POFUT3: variants seen among roughly 807,000 people sequenced by gnomAD.
POFUT3 encodes protein O-fucosyltransferase 3.
the POFUT3 span, among the ~76,000 whole-genome samples, chr8:33,396,213 T>C: frequency 0.31 from 47,795 of 151,952 alleles, 9,068 homozygotes; most frequent in East Asian, 0.56. Context: ...AATGCTACCC[T>C]TCCTGTGCCT....
chr8:33,343,535 CATGTACACAACCCCTTT>C, the POFUT3 span, among the ~76,000 whole-genome samples: 1,930 of 152,298 alleles, frequency 0.013, 45 homozygotes, highest in African/African-American at 0.044. Flanking sequence ...TAGCAATTAC[CATGTACACAACCCCTTT>C]ATTATACTGA....
chr8:33,470,360 C>T, the POFUT3 span, among the ~76,000 whole-genome samples: 1 of 151,782 alleles, frequency 6.6e-6, no homozygotes, highest in Non-Finnish European at 1.5e-5. Context: ...GTCAAGGCTG[C>T]AGTGAGCTGT....
the POFUT3 span, among the ~76,000 whole-genome samples, chr8:33,333,152 C>T: frequency 6.6e-6 from 1 of 152,214 alleles, no homozygotes; most frequent in Non-Finnish European, 1.5e-5. Context: ...AGTTCTGCCT[C>T]TAAATGACTA....
At chr8:33,410,298 A>G in the POFUT3 span, among the ~76,000 whole-genome samples, 1 of 152,170 alleles carries the variant, frequency 6.6e-6, no homozygotes, top group Non-Finnish European at 1.5e-5. Flanking sequence ...TTTGATTGTT[A>G]GAGTGTTAGC....
the POFUT3 span, among the ~76,000 whole-genome samples, chr8:33,431,056 G>A: frequency 1.3e-5 from 2 of 152,166 alleles, 1 homozygote; most frequent in Admixed American, 1.3e-4. Flanking sequence ...TTGTGGGTCT[G>A]TGTGGGCCTG....
At chr8:33,370,338 G>A in the POFUT3 span, among the ~76,000 whole-genome samples, 1 of 152,132 alleles carries the variant, frequency 6.6e-6, no homozygotes, top group Non-Finnish European at 1.5e-5. Flanking sequence ...CTAGGTGATA[G>A]AGCAAGACTT....
At chr8:33,389,763 G>C in the POFUT3 span, 1 of 1,613,998 alleles carries the variant, frequency 6.2e-7, no homozygotes, top group Non-Finnish European at 8.5e-7. Flanking sequence ...TGGGCTTTCC[G>C]AGGCAGAGGT....
the POFUT3 span, among the ~76,000 whole-genome samples, chr8:33,443,469 G>C: frequency 6.6e-6 from 1 of 151,988 alleles, no homozygotes; most frequent in Admixed American, 6.6e-5. Context: ...CATGCTTACT[G>C]TGCTATGTTT....
At chr8:33,353,590 T>A in the POFUT3 span, among the ~76,000 whole-genome samples, 1 of 152,152 alleles carries the variant, frequency 6.6e-6, no homozygotes, top group Non-Finnish European at 1.5e-5. Flanking sequence ...TTAAGTTTGC[T>A]AAAGGATTGT....
chr8:33,396,213 T>G, the POFUT3 span, among the ~76,000 whole-genome samples: 2,174 of 152,020 alleles, frequency 0.014, 52 homozygotes, highest in African/African-American at 0.048. Context: ...AATGCTACCC[T>G]TCCTGTGCCT....
the POFUT3 span, among the ~76,000 whole-genome samples, chr8:33,400,064 C>T: frequency 6.6e-6 from 1 of 150,432 alleles, no homozygotes; most frequent in Non-Finnish European, 1.5e-5. Context: ...AAAAGTAAGT[C>T]TTCTTCCCCA....
the POFUT3 span, among the ~76,000 whole-genome samples, chr8:33,405,111 T>C: frequency 6.6e-6 from 1 of 152,142 alleles, no homozygotes; most frequent in Non-Finnish European, 1.5e-5. Context: ...ACTGTAGTTA[T>C]GTGTGCACCT....
At chr8:33,365,860 G>T in the POFUT3 span, among the ~76,000 whole-genome samples, 1 of 152,204 alleles carries the variant, frequency 6.6e-6, no homozygotes, top group Non-Finnish European at 1.5e-5. Context: ...ATTCCTCAAG[G>T]ATCCAGAACT....
chr8:33,392,959 C>T, the POFUT3 span, among the ~76,000 whole-genome samples: 19 of 151,842 alleles, frequency 1.3e-4, no homozygotes, highest in African/African-American at 3.6e-4. Flanking sequence ...CCCTCCTGGG[C>T]GACAGAGTGA....
At chr8:33,388,795 C>T in the POFUT3 span, 2 of 628,140 alleles carry the variant, frequency 3.2e-6, no homozygotes, top group Non-Finnish European at 5.6e-6. Flanking sequence ...AACTTTACGA[C>T]AGTCCCAAAA....
chr8:33,323,229 TTGA>T, the POFUT3 span, among the ~76,000 whole-genome samples: 1 of 152,214 alleles, frequency 6.6e-6, no homozygotes. Context: ...ACTGTGTGTC[TTGA>T]TGATGCGGAC....
the POFUT3 span, among the ~76,000 whole-genome samples, chr8:33,407,648 G>A: frequency 6.6e-6 from 1 of 152,136 alleles, no homozygotes; most frequent in Non-Finnish European, 1.5e-5. Flanking sequence ...CCCTCCAGCT[G>A]GATTTAGTTT....
At chr8:33,315,730 G>A in the POFUT3 span, among the ~76,000 whole-genome samples, 26 of 152,194 alleles carry the variant, frequency 1.7e-4, no homozygotes, top group African/African-American at 5.8e-4. Context: ...GAGATTCTAT[G>A]AGACTCCCTA....
At chr8:33,358,873 T>C in the POFUT3 span, among the ~76,000 whole-genome samples, 801 of 151,822 alleles carry the variant, frequency 5.3e-3, 5 homozygotes, top group African/African-American at 0.019. Flanking sequence ...AGAGAAACTC[T>C]CACTCATTTT....
Sources: allele counts gnomAD v4.1 joint callset (sites outside exome capture counted in the v4.1 genomes callset), GRCh38; gene constraint gnomAD v4.1.1; transcripts MANE v1.5; gene names NCBI Gene and HGNC (gene_info 2026-07-23, HGNC 2026-07-21).